Variants in NOB1 observed in about 807,000 individuals in gnomAD.
The protein encoded by NOB1 is NIN1 (RPN12) binding protein 1 homolog, also known as RNA-binding protein NOB1.
A neutral mutation model predicts 44.8 loss-of-function variants in NOB1; 44 were observed. The observed-to-expected ratio is 0.98, with a 90% confidence interval of 0.77 to 1.26. The LOEUF (loss-of-function observed/expected upper bound fraction) is 1.26. NOB1 is among the 50% of genes most tolerant of loss of function. The pLI, the probability that NOB1 is intolerant of heterozygous loss-of-function variation, is 0.00. For synonymous variants in NOB1, 238 were observed against 218.7 expected (o/e 1.09, Z -0.78); for missense variants, 560 against 544.8 (o/e 1.03, Z -0.28).
Position 69,749,240 on chromosome 16 carries a change from G to T in NOB1, c.498C>A (p.Asn166Lys). ...GCAGCTCCTGCAGTTCATGATCGATGTTGGGCAAAGGGTTTCTCCAGAACA... is the reference window on the plus strand; with the variant it reads ...GCAGCTCCTGCAGTTCATGATCGATTTTGGGCAAAGGGTTTCTCCAGAACA... ...SFMFWRNPLP[N>K]IDHELQELLI... Residue 166 changes from asparagine to lysine, a missense_variant, in exon 5 of 9, where the codon AAC becomes AAA. Coordinates refer to ENST00000268802, the MANE Select transcript of NOB1 (RefSeq NM_014062.3). The T allele has an allele frequency of 2.5e-6, 4 of 1,613,486 alleles. No homozygotes were observed. The highest frequency in any genetic ancestry group is 3.4e-6 in the Non-Finnish European group (4 of 1,179,844).
At chr16:69,747,602 T>C (rs779025623) in intron 7 of NOB1, among the ~76,000 whole-genome samples, 8 of 152,070 alleles carry the variant, frequency 5.3e-5, no homozygotes, top group Non-Finnish European at 1.0e-4. Flanking sequence ...CACCCACTCC[T>C]TCTACTTGTG....
intron 8 of NOB1, among the ~76,000 whole-genome samples, chr16:69,744,538 C>A (rs546427134): frequency 6.6e-6 from 1 of 152,144 alleles, no homozygotes; most frequent in Non-Finnish European, 1.5e-5. Flanking sequence ...CCCTCTCTTC[C>A]GTGCTGTGCT....
At chr16:69,748,880 G>A in intron 6 of NOB1, 38 bp downstream of exon 6, 1 of 1,519,146 alleles carries the variant, frequency 6.6e-7, no homozygotes, top group Non-Finnish European at 8.9e-7. Context: ...CACTGCCGAT[G>A]ACGTGTGTGA....
At chr16:69,747,888 T>C (rs945388167) in intron 7 of NOB1, among the ~76,000 whole-genome samples, 4 of 152,170 alleles carry the variant, frequency 2.6e-5, no homozygotes, top group Admixed American at 6.5e-5. Context: ...CCAGGCGTGG[T>C]GGCTCACACC....
intron 3 of NOB1, among the ~76,000 whole-genome samples, chr16:69,750,066 T>C (rs982913445): frequency 1.4e-4 from 20 of 147,510 alleles, no homozygotes; most frequent in African/African-American, 4.5e-4. Context: ...TGGCACAACC[T>C]TGGCTCACTG....
rs1362142997 is a variant in NOB1 at position 69,754,739 on chromosome 16, C to T, written c.64-13G>A. The stretch of plus-strand genomic sequence containing the variant: ...TCTTCCCGATGTCCTGCGGACAGAA[C>T]GCCCCAGCTCAGACCCACCCGCACC... On this transcript the variant is annotated splice_polypyrimidine_tract_variant and intron_variant, in intron 1 of 8. Transcript: ENST00000268802. The T allele has an allele frequency of 1.9e-6, 3 of 1,613,992 alleles. No individual in the cohort carries two copies. Among genetic ancestry groups the T allele is most frequent in the East Asian group, 2.2e-5 (1 of 44,882 alleles).
chr16:69,742,036 G>C lies in NOB1; in HGVS notation c.*296C>G. On this transcript the variant is annotated 3_prime_UTR_variant, in exon 9 of 9. Coordinates refer to ENST00000268802, the MANE Select transcript of NOB1 (RefSeq NM_014062.3). ...CAGGAGGTTGCAGCCGCATTTATTA[G>C]AAAAATATTATCCTTTGGAAATTCC... The C allele has an allele frequency of 3.0e-6, 1 of 331,516 alleles. No individual in the cohort carries two copies. 20.5% of individuals were successfully genotyped at this position (331,516 alleles called of 1,614,324 possible).
At chr16:69,747,170 G>A (rs1259564771) in intron 7 of NOB1, among the ~76,000 whole-genome samples, 6 of 143,262 alleles carry the variant, frequency 4.2e-5, no homozygotes, top group South Asian at 2.2e-4. Flanking sequence ...GCAGTGAGTC[G>A]TGATCGTGCC....
chr16:69,754,552 T>C, intron 2 of NOB1, 42 bp downstream of exon 2: 1 of 1,609,320 alleles, frequency 6.2e-7, no homozygotes, highest in Non-Finnish European at 8.5e-7. Context: ...ATCTGCGCCC[T>C]GGACCCCAGC....
At chr16:69,749,807 G>C (rs1298021706) in intron 3 of NOB1, among the ~76,000 whole-genome samples, 177 bp from the exon 4 acceptor site, 1 of 151,548 alleles carries the variant, frequency 6.6e-6, no homozygotes, top group African/African-American at 2.4e-5. Flanking sequence ...GCGAAACCCT[G>C]TCTCTACTAA....
chr16:69,752,520 T>TTAAC (rs1223608906), intron 2 of NOB1, 149 bp from the exon 3 acceptor site: 1 of 815,594 alleles, frequency 1.2e-6, no homozygotes, highest in Non-Finnish European at 1.9e-6. Flanking sequence ...ATGAAAAACC[T>TTAAC]TAACACTTTC....
Position 69,744,888 on chromosome 16 carries a change from G to T in NOB1, c.954C>A (p.Asn318Lys), listed in dbSNP as rs1025882909. ...MHFSRNPKVL[N>K]PRGLRYSLPT... is the part of the protein sequence containing the mutation. Reference sequence around the variant, plus strand: ...CGCCACTCACCCGGAGGCCGCGGGGGTTCAGCACCTTGGGGTTGCGGGAGA... The same window carrying T: ...CGCCACTCACCCGGAGGCCGCGGGGTTTCAGCACCTTGGGGTTGCGGGAGA... The change falls in exon 8 of 9, where the codon AAC (asparagine) becomes AAA (lysine). Residue 318 changes from asparagine to lysine, a missense_variant. Asn to Lys is a moderately conservative substitution (Grantham distance 94, BLOSUM62 0). Transcript: ENST00000268802. 3.1e-6 allele frequency: 5 copies of T among 1,613,530 alleles called. No individual in the cohort carries two copies. The highest frequency in any genetic ancestry group is 3.3e-5 in the Admixed American group (2 of 59,978).
chr16:69,751,987 C>T (rs781652189), intron 3 of NOB1, among the ~76,000 whole-genome samples: 1 of 152,042 alleles, frequency 6.6e-6, no homozygotes, highest in African/African-American at 2.4e-5. Context: ...ATCGCTTGAA[C>T]CCAGGAGGCG....
rs779659243 is a variant in NOB1, at chr16:69,748,984, C to T, written c.660G>A (p.Glu220=). Reference sequence around the variant, plus strand: ...CCTCGGGGACGTCACACTGCTCCAGCTCCTGCTGGATCTGCTTGATGTTAC... The same window carrying T: ...CCTCGGGGACGTCACACTGCTCCAGTTCCTGCTGGATCTGCTTGATGTTAC... ...TPSNIKQIQQ[E]LEQCDVPEDV... is the part of the protein sequence containing the mutation. The change falls in exon 6 of 9, where the codon GAG becomes GAA. Residue 220 remains glutamate, a synonymous_variant. Transcript: ENST00000268802. The T allele has an allele frequency of 2.2e-5, 36 of 1,614,092 alleles. No individual in the cohort carries two copies. Among genetic ancestry groups the T allele is most frequent in the Non-Finnish European group, 3.1e-5 (36 of 1,180,022 alleles).
intron 7 of NOB1, among the ~76,000 whole-genome samples, chr16:69,745,236 G>T (rs543010676): frequency 5.1e-4 from 77 of 152,334 alleles, no homozygotes; most frequent in Non-Finnish European, 8.7e-4. Flanking sequence ...AAGGAAGTGT[G>T]CAAGCGAGCA....
At position 69,742,470 on chromosome 16, in the gene NOB1, G is replaced by A. The variant is rs371437900; in HGVS notation, c.1101C>T (p.Ile367=). 3.0e-5 allele frequency: 49 copies of A among 1,614,116 alleles called. No individual in the cohort carries two copies. Among genetic ancestry groups the A allele is most frequent in the South Asian group, 2.4e-4 (22 of 91,090 alleles). The change falls in exon 9 of 9, where the codon ATC becomes ATT. Residue 367 remains isoleucine, a synonymous_variant. Coordinates refer to ENST00000268802, the MANE Select transcript of NOB1 (RefSeq NM_014062.3). ...TCTCGACAAAGGGTGACACCCCGGC[G>A]ATGTAGTCAGGGGCGAACACGTTGG... The part of the protein sequence containing the change: ...QKTNVFAPDY[I]AGVSPFVEND...
At chr16:69,753,940 G>C (rs941244543) in intron 2 of NOB1, among the ~76,000 whole-genome samples, 54 of 152,130 alleles carry the variant, frequency 3.5e-4, no homozygotes, top group Non-Finnish European at 1.5e-4. Flanking sequence ...CAAGTAGCTG[G>C]GATTACAGGA....
chr16:69,746,917 C>T (rs926261604), intron 7 of NOB1, among the ~76,000 whole-genome samples: 2 of 150,470 alleles, frequency 1.3e-5, no homozygotes, highest in African/African-American at 4.9e-5. Flanking sequence ...AACAAAAAAC[C>T]CCAAAAACCA....
chr16:69,747,582 T>A (rs1412945446), intron 7 of NOB1, among the ~76,000 whole-genome samples: 2 of 152,146 alleles, frequency 1.3e-5, no homozygotes, highest in African/African-American at 2.4e-5. Flanking sequence ...TCTTATTTTA[T>A]CTTCACCCCC....
Sources: gnomAD v4.1 joint callset for allele counts (sites outside exome capture counted in the v4.1 genomes callset) on GRCh38, gnomAD v4.1.1 for gene constraint, MANE v1.5 for transcripts, NCBI Gene and HGNC (gene_info 2026-07-23, HGNC 2026-07-21) for gene names.